Variants in TMEM117 observed in about 807,000 individuals in gnomAD.
TMEM117 encodes the protein transmembrane protein 117.
TMEM117 carries 27 observed loss-of-function variants against 52.4 expected under a neutral mutation model. The observed-to-expected ratio is 0.51, with a 90% confidence interval of 0.38 to 0.71. The LOEUF is 0.71. Ranked by LOEUF, TMEM117 falls within the 30% of genes least tolerant of loss-of-function variation. The pLI, the probability that TMEM117 is intolerant of heterozygous loss-of-function variation, is 0.00. For missense variants in TMEM117, 556 were observed against 630.5 expected (o/e 0.88, Z 1.26); for synonymous variants, 215 against 206.3 (o/e 1.04, Z -0.36).
intron 3 of TMEM117, among the ~76,000 whole-genome samples, chr12:44,003,438 A>T (rs930628576): frequency 6.6e-6 from 1 of 152,152 alleles, no homozygotes; most frequent in Non-Finnish European, 1.5e-5. Context: ...TCACAAATGC[A>T]CACAGGTGGA....
At chr12:43,801,984 T>C in the TMEM117 span, among the ~76,000 whole-genome samples, 1 of 152,124 alleles carries the variant, frequency 6.6e-6, no homozygotes, top group Non-Finnish European at 1.5e-5. Flanking sequence ...GAGCCGAAAC[T>C]GCACCACAGC....
intron 2 of TMEM117, among the ~76,000 whole-genome samples, chr12:43,865,550 A>AT (rs1252136704): frequency 2.6e-5 from 4 of 151,884 alleles, no homozygotes; most frequent in Non-Finnish European, 4.4e-5. Context: ...TACAAAAATT[A>AT]GCCGGGCGTG....
At chr12:44,175,222 A>G (rs1408453394) in intron 4 of TMEM117, among the ~76,000 whole-genome samples, 1 of 152,138 alleles carries the variant, frequency 6.6e-6, no homozygotes, top group Non-Finnish European at 1.5e-5. Flanking sequence ...GAGAAGATGG[A>G]GCTTAAGGTG....
chr12:44,261,365 A>G (rs1477041333), intron 5 of TMEM117, among the ~76,000 whole-genome samples: 2 of 152,226 alleles, frequency 1.3e-5, no homozygotes, highest in Non-Finnish European at 2.9e-5. Context: ...CTCACGTGCT[A>G]TCTGATTTAA....
chr12:43,860,066 C>G (rs1402041009), intron 2 of TMEM117, among the ~76,000 whole-genome samples: 4 of 152,112 alleles, frequency 2.6e-5, no homozygotes, highest in Non-Finnish European at 5.9e-5. Flanking sequence ...GGTACATGTG[C>G]AGAATGTGCA....
At chr12:44,099,912 A>T (rs1471884804) in intron 3 of TMEM117, among the ~76,000 whole-genome samples, 1 of 152,058 alleles carries the variant, frequency 6.6e-6, no homozygotes, top group Non-Finnish European at 1.5e-5. Flanking sequence ...TGGTGAGGAC[A>T]TTAAGAATGA....
chr12:43,869,442 G>A (rs566377255), intron 2 of TMEM117, among the ~76,000 whole-genome samples: 1 of 152,246 alleles, frequency 6.6e-6, no homozygotes, highest in Admixed American at 6.5e-5. Flanking sequence ...AAAATTTCAG[G>A]AATGTTTATT....
chr12:44,163,889 G>A (rs964934196), intron 4 of TMEM117, among the ~76,000 whole-genome samples: 1 of 152,096 alleles, frequency 6.6e-6, no homozygotes, highest in African/African-American at 2.4e-5. Context: ...TAATATGTCA[G>A]GTCAACTGGA....
At chr12:43,915,669 G>C (rs1944589311) in intron 2 of TMEM117, among the ~76,000 whole-genome samples, 1 of 151,868 alleles carries the variant, frequency 6.6e-6, no homozygotes, top group Non-Finnish European at 1.5e-5. Context: ...TAGGAGAATA[G>C]AGAAGGCTTG....
chr12:44,099,021 G>A (rs1472476468), intron 3 of TMEM117, among the ~76,000 whole-genome samples: 1 of 152,004 alleles, frequency 6.6e-6, no homozygotes, highest in East Asian at 1.9e-4. Context: ...CTCATGATGT[G>A]TTAATTTGCT....
At chr12:44,176,885 A>C (rs1949123059) in intron 4 of TMEM117, among the ~76,000 whole-genome samples, 1 of 152,116 alleles carries the variant, frequency 6.6e-6, no homozygotes, top group Non-Finnish European at 1.5e-5. Context: ...ATTTTATAAA[A>C]CAACACAAGA....
chr12:43,975,927 A>G (rs1471685879), intron 3 of TMEM117, among the ~76,000 whole-genome samples: 1 of 152,214 alleles, frequency 6.6e-6, no homozygotes, highest in African/African-American at 2.4e-5. Flanking sequence ...AGTATCTAGC[A>G]GCATCCCACT....
At chr12:44,077,697 C>T (rs1469440592) in intron 3 of TMEM117, among the ~76,000 whole-genome samples, 8 of 152,052 alleles carry the variant, frequency 5.3e-5, no homozygotes, top group African/African-American at 1.7e-4. Context: ...TTTCTAAGAA[C>T]AACTTAGAAA....
At chr12:43,874,409 C>T (rs910235625) in intron 2 of TMEM117, among the ~76,000 whole-genome samples, 2 of 144,720 alleles carry the variant, frequency 1.4e-5, no homozygotes, top group South Asian at 2.3e-4. Context: ...GGTGAAACCC[C>T]GTCCCTACTA....
At chr12:43,849,585 T>C (rs887056544) in intron 2 of TMEM117, among the ~76,000 whole-genome samples, 1 of 152,250 alleles carries the variant, frequency 6.6e-6, no homozygotes, top group Non-Finnish European at 1.5e-5. Flanking sequence ...AAGTGATTTA[T>C]TGAGTACAAA....
At chr12:43,813,437 G>T in the TMEM117 span, among the ~76,000 whole-genome samples, 4 of 151,686 alleles carry the variant, frequency 2.6e-5, 1 homozygote, top group Admixed American at 2.6e-4. Context: ...TAGAGACAGG[G>T]TTTCACCATG....
chr12:44,151,958 T>C lies in TMEM117; in HGVS notation c.510+8334T>C, dbSNP rs58667600. Among the ~76,000 whole-genome samples the C allele has an allele frequency of 6.7e-3, 791 of 118,672 alleles. 12 individuals are homozygous for C. The highest frequency in any genetic ancestry group is 0.026 in the African/African-American group (754 of 29,406). 77.9% of individuals were successfully genotyped at this position (118,672 alleles called of 152,430 possible). On this transcript the variant is annotated intron_variant, in intron 4 of 7. Transcript: ENST00000266534. ...TATTATATTATATTACATAATATAT[T>C]ATATAAATATAAGTATATATTTATA...
At chr12:44,011,428 T>C (rs1023821016) in intron 3 of TMEM117, among the ~76,000 whole-genome samples, 25 of 152,262 alleles carry the variant, frequency 1.6e-4, no homozygotes, top group African/African-American at 6.0e-4. Context: ...AGTGAATAAA[T>C]GTCATGAGAT....
chr12:44,000,985 G>A (rs1209674623), intron 3 of TMEM117, among the ~76,000 whole-genome samples: 1 of 152,158 alleles, frequency 6.6e-6, no homozygotes, highest in Non-Finnish European at 1.5e-5. Context: ...GGTGACTGAT[G>A]TGCAAGGGCC....
Sources: allele counts gnomAD v4.1 joint callset (sites outside exome capture counted in the v4.1 genomes callset), GRCh38; gene constraint gnomAD v4.1.1; transcripts MANE v1.5; gene names NCBI Gene and HGNC (gene_info 2026-07-23, HGNC 2026-07-21).